Variants in PLPP5 observed in about 807,000 individuals in gnomAD.
The protein encoded by PLPP5 is diacylglycerol pyrophosphate like 1.
In PLPP5, 29 loss-of-function variants were observed where a neutral mutation model predicts 23.6. That is an observed-to-expected ratio of 1.23 (90% CI 0.92 to 1.68). The LOEUF is 1.68. Ranked by LOEUF, PLPP5 falls within the 40% of genes most tolerant of loss-of-function variation. The pLI, the probability that PLPP5 is intolerant of heterozygous loss-of-function variation, is 0.00. For synonymous variants in PLPP5, 143 were observed against 131.3 expected (o/e 1.09, Z -0.61); for missense variants, 315 against 332.1 (o/e 0.95, Z 0.40).
chr8:38,267,036 TATAAC>T (rs1807722009), intron 5 of PLPP5: 2 of 1,410,284 alleles, frequency 1.4e-6, no homozygotes, highest in Non-Finnish European at 1.8e-6. Context: ...AGGCAAATAA[TATAAC>T]AATTAAATGT....
rs1366031434 is a variant in PLPP5, at chr8:38,269,220, A to G, written c.-21T>C. 8.7e-6 allele frequency: 13 copies of G among 1,486,066 alleles called. No individual in the cohort carries two copies. The highest frequency in any genetic ancestry group is 1.3e-5 in the South Asian group (1 of 78,730). The allele number at this position is 1,486,066 out of a possible 1,614,324, so 92.1% of individuals were successfully genotyped here. A position where few individuals can be genotyped will look rare whatever the true frequency, so the allele number is the denominator to read the frequency against. ...CCCATCCGGCCGCGAGCTCCGAGCG[A>G]CGCTGCGCTGACGTGGCCACCTCCG... is the stretch of plus-strand genomic sequence containing the variant. On this transcript the variant is annotated 5_prime_UTR_variant, in exon 1 of 7. Coordinates refer to ENST00000424479, the MANE Select transcript of PLPP5 (RefSeq NM_001102559.2).
chr8:38,267,634 C>T, intron 4 of PLPP5: 1 of 616,750 alleles, frequency 1.6e-6, no homozygotes, highest in Non-Finnish European at 2.8e-6. Flanking sequence ...AATGACACTG[C>T]AGCTTCAGGA....
chr8:38,268,144 G>C (rs1807982204), intron 3 of PLPP5, 184 bp from the exon 4 acceptor site: 4 of 1,377,364 alleles, frequency 2.9e-6, no homozygotes, highest in Non-Finnish European at 3.8e-6. Flanking sequence ...CTAGGCCAAA[G>C]ACATTTCTGA....
chr8:38,266,208 CAGAA>C lies in PLPP5; in HGVS notation c.563_566del (p.Phe188CysfsTer9), dbSNP rs776998272. The C allele has an allele frequency of 2.3e-5, 37 of 1,613,708 alleles. No individual in the cohort carries two copies. Among genetic ancestry groups the C allele is most frequent in the South Asian group, 2.2e-4 (20 of 91,036 alleles). On this transcript the variant is annotated frameshift_variant, in exon 6 of 7. Coordinates refer to ENST00000424479, the MANE Select transcript of PLPP5 (RefSeq NM_001102559.2). LOFTEE classifies it high-confidence loss of function. ...TCACAGCTGCAAAAAGTAGAGGTGACAGAAAGGCACAGAACCTCCAAGATTTCCC... is the reference window on the plus strand; with the variant it reads ...TCACAGCTGCAAAAAGTAGAGGTGACAGGCACAGAACCTCCAAGATTTCCC...
chr8:38,268,912 C>G lies in PLPP5; in HGVS notation c.153G>C (p.Glu51Asp). ...TCGGCTTGGTGGGGAAATACTCCGC[C>G]TCCACGTAGGGGTTCCGGTAGAGCC... Reference protein sequence around the residue: ...EMWLYRNPYVEAEYFPTKPMF... With the variant: ...EMWLYRNPYVDAEYFPTKPMF... Residue 51 changes from glutamate (E) to aspartate (D), a missense_variant, in exon 2 of 7, where the codon GAG becomes GAC. Transcript: ENST00000424479. 6.4e-7 allele frequency: 1 copy of G among 1,558,646 alleles called. No homozygotes were observed. Among genetic ancestry groups the G allele is most frequent in the Non-Finnish European group, 8.6e-7 (1 of 1,157,034 alleles).
Position 38,263,771 on chromosome 8 carries a change from A to G in PLPP5, c.*673T>C. The G allele has an allele frequency of 3.0e-6, 3 of 985,444 alleles. No homozygotes were observed. The highest frequency in any genetic ancestry group is 3.6e-6 in the Non-Finnish European group (3 of 829,902). 61.0% of individuals were successfully genotyped at this position (985,444 alleles called of 1,614,324 possible). A position where few individuals can be genotyped will look rare whatever the true frequency, so the allele number is the denominator to read the frequency against. On this transcript the variant is annotated 3_prime_UTR_variant, in exon 7 of 7. Transcript: ENST00000424479. The stretch of plus-strand genomic sequence containing the variant: ...ATGAAATGGAAATTAAGTTTTGATA[A>G]TGAACTCTAGCTTCTGAGACAAGGT...
chr8:38,263,945 A>G lies in PLPP5; in HGVS notation c.*499T>C. On this transcript the variant is annotated 3_prime_UTR_variant, in exon 7 of 7. Transcript: ENST00000424479. ...CTTTGAAAGATCCTTTTACTAGAAC[A>G]TGTGGCATACAGTAGTGGAAAAGAA... is the stretch of plus-strand genomic sequence containing the variant. 3.0e-6 allele frequency: 3 copies of G among 985,422 alleles called. No homozygotes were observed. The highest frequency in any genetic ancestry group is 3.6e-6 in the Non-Finnish European group (3 of 829,906). 61.0% of individuals were successfully genotyped at this position (985,422 alleles called of 1,614,324 possible).
Position 38,267,958 on chromosome 8 carries a change from C to T in PLPP5, c.277G>A (p.Ala93Thr), listed in dbSNP as rs554092239. 1 of 1,613,924 alleles carries T rather than the reference C, an allele frequency of 6.2e-7. No homozygotes were observed. The highest frequency in any genetic ancestry group is 1.7e-5 in the Admixed American group (1 of 60,024). Residue 93 changes from alanine to threonine, a missense_variant and splice_region_variant, in exon 4 of 7, where the codon GCC (alanine) becomes ACC (threonine). Physicochemically the swap from Ala to Thr is moderately conservative, Grantham distance 58. Transcript: ENST00000424479. ...TRDSRQACLA[A>T]SLALALNGVF... ...CCATTCAGAGCCAGGGCAAGGCTGG[C>T]AGCTGCAAAGCAAAGCCATTAGTTG...
In PLPP5 at chr8:38,264,194, C is replaced by T. The variant is rs1029949887; in HGVS notation, c.*250G>A. ...ATGGGGTCTCACTCTGTTGCCTAGG[C>T]TGGAGTGCAGTGGTGCGATCTCGGC... On this transcript the variant is annotated 3_prime_UTR_variant, in exon 7 of 7. Coordinates refer to ENST00000424479, the MANE Select transcript of PLPP5 (RefSeq NM_001102559.2). The T allele has an allele frequency of 1.3e-4, 131 of 1,010,662 alleles. No homozygotes were observed. Among genetic ancestry groups the T allele is most frequent in the Non-Finnish European group, 1.6e-4 (130 of 822,262 alleles). 62.6% of individuals were successfully genotyped at this position (1,010,662 alleles called of 1,614,324 possible).
At chr8:38,265,255 ACT>A (rs1807411651) in intron 6 of PLPP5, among the ~76,000 whole-genome samples, 2 of 126,826 alleles carry the variant, frequency 1.6e-5, no homozygotes, top group African/African-American at 6.1e-5. Flanking sequence ...GCAGAGCTAG[ACT>A]CTGTCTCAAA....
chr8:38,264,672 A>T (rs995124493), intron 6 of PLPP5, 68 bp from the exon 7 acceptor site: 3 of 1,471,536 alleles, frequency 2.0e-6, no homozygotes, highest in Non-Finnish European at 2.7e-6. Flanking sequence ...TACACATAGC[A>T]TAGAGGACCT....
chr8:38,267,583 C>T (rs769774677), intron 4 of PLPP5, 192 bp from the exon 5 acceptor site: 12 of 690,158 alleles, frequency 1.7e-5, no homozygotes, highest in Non-Finnish European at 2.8e-5. Context: ...AGGGGAAAAA[C>T]GCCCATTCCA....
intron 2 of PLPP5, 147 bp downstream of exon 2, chr8:38,268,735 A>T (rs1808146604): frequency 7.0e-7 from 1 of 1,430,628 alleles, no homozygotes. Context: ...GATCTTAAAC[A>T]CTCGAGCCCT....
chr8:38,266,055 A>G, intron 6 of PLPP5, 86 bp downstream of exon 6: 38 of 1,252,570 alleles, frequency 3.0e-5, no homozygotes, highest in Non-Finnish European at 4.2e-5. Flanking sequence ...TTCAGCAGAT[A>G]TTTAGTAAGC....
chr8:38,263,486 T>C lies in PLPP5; in HGVS notation c.*958A>G. 1 of 985,410 alleles carries C rather than the reference T, an allele frequency of 1.0e-6. No individual in the cohort carries two copies. Among genetic ancestry groups the C allele is most frequent in the Non-Finnish European group, 1.2e-6 (1 of 829,890 alleles). The allele number at this position is 985,410 out of a possible 1,614,324, so 61.0% of individuals were successfully genotyped here. A position where few individuals can be genotyped will look rare whatever the true frequency, so the allele number is the denominator to read the frequency against. On this transcript the variant is annotated 3_prime_UTR_variant, in exon 7 of 7. Transcript: ENST00000424479. ...GGTAGAAACAGTCATCTGTTAGTAG[T>C]GCTGAAACCACACTCCTGACCATTT...
rs1290360875 is a variant in PLPP5, at chr8:38,264,449, T to C, written c.790A>G (p.Ile264Val). The C allele has an allele frequency of 6.5e-6, 10 of 1,547,050 alleles. No homozygotes were observed. Among genetic ancestry groups the C allele is most frequent in the Non-Finnish European group, 8.7e-6 (10 of 1,145,950 alleles). The change falls in exon 7 of 7, where the codon ATT becomes GTT. Residue 264 changes from isoleucine (I) to valine (V), a missense_variant. Ile to Val is a conservative substitution (Grantham distance 29). Coordinates refer to ENST00000424479, the MANE Select transcript of PLPP5 (RefSeq NM_001102559.2). ...QKPGDSYCFDI is the reference protein window; with the variant it reads ...QKPGDSYCFDV The stretch of plus-strand genomic sequence containing the variant: ...CGCCCGGCCAGATTCAATTTTTAAA[T>C]ATCAAAACAATAAGAATCCCCAGGC...
At position 38,267,321 on chromosome 8, in the gene PLPP5, C is replaced by T. The variant is rs7845496; in HGVS notation, c.409G>A (p.Asp137Asn). 9.9e-6 allele frequency: 16 copies of T among 1,614,022 alleles called. 1 individual carries two copies. The South Asian group carries it at 1.6e-4, about 17-fold the overall frequency. Residue 137 changes from aspartate (D) to asparagine (N), a missense_variant, in exon 5 of 7, where the codon GAT becomes AAT. Physicochemically the swap from Asp to Asn is conservative, Grantham distance 23 (BLOSUM62 1). Coordinates refer to ENST00000424479, the MANE Select transcript of PLPP5 (RefSeq NM_001102559.2). ...LAHSDLMCTG[D>N]KDVVNEGRKS... ...CGGCCCTCATTCACCACGTCCTTAT[C>T]CCCTGTACACATCAAGTCAGAATGG...
intron 1 of PLPP5, 34 bp downstream of exon 1, chr8:38,269,092 G>A (rs2130960502): frequency 6.5e-7 from 1 of 1,527,196 alleles, no homozygotes; most frequent in Non-Finnish European, 8.8e-7. Flanking sequence ...CTGGGAAGCG[G>A]GGCCGCCCGG....
intron 4 of PLPP5, 157 bp downstream of exon 4, chr8:38,267,740 A>G: frequency 1.3e-6 from 1 of 759,160 alleles, no homozygotes; most frequent in Non-Finnish European, 2.1e-6. Flanking sequence ...GGACTGAGGT[A>G]TGGGGAAGGG....
Sources: gnomAD v4.1 joint callset for allele counts (sites outside exome capture counted in the v4.1 genomes callset) on GRCh38, gnomAD v4.1.1 for gene constraint, MANE v1.5 for transcripts, NCBI Gene and HGNC (gene_info 2026-07-23, HGNC 2026-07-21) for gene names.